CPLANE1: variants seen among roughly 807,000 people sequenced by gnomAD.
The protein encoded by CPLANE1 is ciliogenesis and planar polarity effector 1.
Under a neutral mutation model 362.5 loss-of-function variants are expected in CPLANE1, and 263 were observed. The observed-to-expected ratio is 0.73, with a 90% CI of 0.66 to 0.80. CPLANE1 has a LOEUF of 0.80. CPLANE1 is among the 30% of genes least tolerant of loss of function. The pLI, the probability that CPLANE1 is intolerant of heterozygous loss-of-function variation, is 0.00. For missense variants in CPLANE1, 3,461 were observed against 3,793.4 expected (o/e 0.91, Z 2.30); for synonymous variants, 1,212 against 1,302.6 (o/e 0.93, Z 1.50).
chr5:37,122,558 G>A, intron 47 of CPLANE1, 70 bp from the exon 48 acceptor site: 1 of 1,201,474 alleles, frequency 8.3e-7, no homozygotes, highest in Non-Finnish European at 1.2e-6. Context: ...ACATAATTCT[G>A]TTATTTAGGA....
At position 37,205,317 on chromosome 5, in the gene CPLANE1, G is replaced by A. The variant is rs1036608976; in HGVS notation, c.3287C>T (p.Thr1096Ile). 1 of 1,550,062 alleles carries A rather than the reference G, an allele frequency of 6.5e-7. No homozygotes were observed. The highest frequency in any genetic ancestry group is 1.4e-5 in the African/African-American group (1 of 72,912). The change falls in exon 18 of 53, where the codon ACA becomes ATA. Residue 1096 changes from threonine to isoleucine, a missense_variant and splice_region_variant. Thr to Ile is a moderately conservative substitution (Grantham distance 89). Around this residue, in one of 2 missense-constraint regions of CPLANE1, gnomAD observed 3,380 missense variants for 3,666.1 expected, o/e 0.92. Transcript: ENST00000651892. Reference sequence around the variant, plus strand: ...CAGACTATACATACATAACACACCTGTAAACTGTTTATATTTTGAGCCCAT... The same window carrying A: ...CAGACTATACATACATAACACACCTATAAACTGTTTATATTTTGAGCCCAT... ...NEMGSKYKQFTDPIEEEDANL... is the reference protein window; with the variant it reads ...NEMGSKYKQFIDPIEEEDANL...
chr5:37,231,562 A>G (rs1797743564), intron 8 of CPLANE1, among the ~76,000 whole-genome samples: 1 of 152,106 alleles, frequency 6.6e-6, no homozygotes, highest in South Asian at 2.1e-4. Context: ...GAAAAAATAT[A>G]TATATATTCC....
chr5:37,244,577 G>T lies in CPLANE1; in HGVS notation c.368C>A (p.Ser123Tyr), dbSNP rs957027661. Residue 123 changes from serine (S) to tyrosine (Y), a missense_variant, in exon 5 of 53, where the codon TCT (serine) becomes TAT (tyrosine). Coordinates refer to ENST00000651892, the MANE Select transcript of CPLANE1 (RefSeq NM_001384732.1). ...GAGCACAATTCTTTTCCCATTTCCA[G>T]ATACATACAAGTACAGTCTCAAAGA... Reference protein sequence around the residue: ...ASSLRLYLYVSGNGKRIVLIT... With the variant: ...ASSLRLYLYVYGNGKRIVLIT... 1 of 1,550,386 alleles carries T rather than the reference G, an allele frequency of 6.5e-7. No homozygotes were observed. Among genetic ancestry groups the T allele is most frequent in the African/African-American group, 1.4e-5 (1 of 72,780 alleles).
intron 18 of CPLANE1, among the ~76,000 whole-genome samples, chr5:37,204,136 T>A (rs1208494350): frequency 6.6e-6 from 1 of 152,208 alleles, no homozygotes; most frequent in African/African-American, 2.4e-5. Context: ...TTCTTTAAAA[T>A]CCAACTTTCA....
At position 37,201,777 on chromosome 5, in the gene CPLANE1, T is replaced by C. The variant is rs1255878705; in HGVS notation, c.3321A>G (p.Leu1107=). The change falls in exon 19 of 53, where the codon CTA becomes CTG. Residue 1107 remains leucine (L), a synonymous_variant. Coordinates refer to ENST00000651892, the MANE Select transcript of CPLANE1 (RefSeq NM_001384732.1). ...TCAGTACTTCTTGTACTGAACCAAATAGCAGATTTGCATCTTCCTCTTCAA... is the reference window on the plus strand; with the variant it reads ...TCAGTACTTCTTGTACTGAACCAAACAGCAGATTTGCATCTTCCTCTTCAA... ...DPIEEEDANL[L]FGSVQEVLKA... 10 of 1,613,248 alleles carry C rather than the reference T, an allele frequency of 6.2e-6. 1 individual carries two copies. The Admixed American group carries it at 1.2e-4, about 19-fold the overall frequency.
Position 37,209,990 on chromosome 5 carries a change from G to A in CPLANE1, c.2921-3565C>T, listed in dbSNP as rs1792120741. 3 of 901,946 alleles carry A rather than the reference G, an allele frequency of 3.3e-6. No homozygotes were observed. Among genetic ancestry groups the A allele is most frequent in the Non-Finnish European group, 3.7e-6 (2 of 546,958 alleles). The allele number at this position is 901,946 out of a possible 1,614,324, so 55.9% of individuals were successfully genotyped here. A position where few individuals can be genotyped will look rare whatever the true frequency, so the allele number is the denominator to read the frequency against. ...ATGAATATAAGAGAGAAATAGAAGA[G>A]CAACTTCGGGAAGAAATATGTCAAA... On this transcript the variant is annotated intron_variant, in intron 16 of 52. Coordinates refer to ENST00000651892, the MANE Select transcript of CPLANE1 (RefSeq NM_001384732.1). The surrounding 1 kb of genome is among the most constrained non-coding windows in gnomAD (Gnocchi z 4.6).
intron 42 of CPLANE1, among the ~76,000 whole-genome samples, chr5:37,150,019 G>A (rs926899068): frequency 1.3e-5 from 2 of 152,128 alleles, no homozygotes; most frequent in Non-Finnish European, 2.9e-5. Flanking sequence ...GTCTTAAAAG[G>A]CTTGAGAGAG....
chr5:37,220,427 C>T (rs1345661975), intron 15 of CPLANE1, among the ~76,000 whole-genome samples: 1 of 152,120 alleles, frequency 6.6e-6, no homozygotes, highest in Non-Finnish European at 1.5e-5. Flanking sequence ...AAATATATTA[C>T]ATGTTCATTC....
chr5:37,201,884 C>G (rs1789292353), intron 18 of CPLANE1, 76 bp from the exon 19 acceptor site: 1 of 1,008,872 alleles, frequency 9.9e-7, no homozygotes, highest in Admixed American at 2.5e-5. Context: ...GAAAAAATTT[C>G]AAATCTAAAA....
chr5:37,247,472 G>A, intron 2 of CPLANE1, 146 bp downstream of exon 2: 1 of 575,456 alleles, frequency 1.7e-6, no homozygotes, highest in Non-Finnish European at 2.9e-6. Context: ...ACCCTGTTCA[G>A]TGTGCAGGTA....
intron 38 of CPLANE1, 79 bp from the exon 39 acceptor site, chr5:37,158,424 C>G: frequency 7.4e-7 from 1 of 1,356,682 alleles, no homozygotes; most frequent in Non-Finnish European, 1.0e-6. Flanking sequence ...TTTGTATGAA[C>G]AAGTTAGCAA....
intron 26 of CPLANE1, among the ~76,000 whole-genome samples, 180 bp from the exon 27 acceptor site, chr5:37,181,185 A>T (rs1782574805): frequency 1.3e-5 from 2 of 152,306 alleles, no homozygotes; most frequent in Admixed American, 6.5e-5. Context: ...TCTTTATTCT[A>T]ACTGGAAAAA....
chr5:37,140,329 C>T, intron 44 of CPLANE1: 1 of 977,160 alleles, frequency 1.0e-6, no homozygotes, highest in Non-Finnish European at 1.2e-6. Context: ...TATGAAATAC[C>T]TGTTTTCTTG....
rs150193727 is a variant in CPLANE1, at chr5:37,194,423, A to G, written c.3811+1435T>C. Among the ~76,000 whole-genome samples, 696 of 152,302 alleles carry G rather than the reference A, an allele frequency of 4.6e-3. 10 individuals are homozygous for G. Among genetic ancestry groups the G allele is most frequent in the African/African-American group, 0.016 (668 of 41,556 alleles). On this transcript the variant is annotated intron_variant, in intron 21 of 52. Coordinates refer to ENST00000651892, the MANE Select transcript of CPLANE1 (RefSeq NM_001384732.1). ...TTTTAACTGGGATTGTTGTGAATTT[A>G]ACTCACTTCTTACAGACCTAGATTT...
intron 18 of CPLANE1, among the ~76,000 whole-genome samples, chr5:37,204,237 G>A (rs1475382779): frequency 6.6e-6 from 1 of 152,104 alleles, no homozygotes; most frequent in Non-Finnish European, 1.5e-5. Flanking sequence ...AGCATTATAG[G>A]TTCTCTCAAA....
the CPLANE1 span, among the ~76,000 whole-genome samples, chr5:37,094,540 A>C: frequency 6.6e-6 from 1 of 152,346 alleles, no homozygotes; most frequent in Admixed American, 6.5e-5. Context: ...AGAAACAAGA[A>C]TAAAACAAAC....
At chr5:37,193,176 AACG>A (rs1358632900) in intron 21 of CPLANE1, among the ~76,000 whole-genome samples, 2 of 149,864 alleles carry the variant, frequency 1.3e-5, no homozygotes, top group Admixed American at 6.6e-5. Flanking sequence ...CTAAAAAAAA[AACG>A]ACAACAACAA....
intron 21 of CPLANE1, among the ~76,000 whole-genome samples, chr5:37,190,842 C>T (rs1368105445): frequency 6.6e-6 from 1 of 152,184 alleles, no homozygotes; most frequent in Non-Finnish European, 1.5e-5. Flanking sequence ...AACACACCTA[C>T]TGCACTGCCA....
At chr5:37,118,665 G>A (rs1183093959) in intron 50 of CPLANE1, among the ~76,000 whole-genome samples, 1 of 151,264 alleles carries the variant, frequency 6.6e-6, no homozygotes, top group Non-Finnish European at 1.5e-5. Flanking sequence ...ATCTCACAGG[G>A]TTGTAATTAA....
Sources: gnomAD v4.1 joint callset for allele counts (sites outside exome capture counted in the v4.1 genomes callset) on GRCh38, gnomAD v4.1.1 for gene constraint, gnomAD v4.1.1 regional missense constraint, Gnocchi (gnomAD v3.1) non-coding constraint, MANE v1.5 for transcripts, NCBI Gene and HGNC (gene_info 2026-07-23, HGNC 2026-07-21) for gene names.